Variants in DOCK4 observed in about 807,000 individuals in gnomAD.
The protein encoded by DOCK4 is dedicator of cytokinesis protein 4.
A neutral mutation model predicts 268.1 loss-of-function variants in DOCK4; 97 were observed. The ratio of observed to expected loss-of-function variants is 0.36; its 90% CI spans 0.31 to 0.43. The LOEUF is 0.43. DOCK4 is among the 20% of genes least tolerant of loss of function. The pLI is 1.00. For synonymous variants in DOCK4, 954 were observed against 887.2 expected (o/e 1.08, Z -1.34); for missense variants, 2,145 against 2,455.7 (o/e 0.87, Z 2.67).
chr7:111,765,302 T>A (rs1466115422), intron 38 of DOCK4, 80 bp from the exon 39 acceptor site: 2 of 850,510 alleles, frequency 2.4e-6, no homozygotes, highest in African/African-American at 3.6e-5. Context: ...ATTTCTTTTT[T>A]ACATAAAGGA....
At chr7:111,742,460 C>A (rs1019003531) in intron 44 of DOCK4, among the ~76,000 whole-genome samples, 4 of 152,102 alleles carry the variant, frequency 2.6e-5, no homozygotes, top group Non-Finnish European at 4.4e-5. Flanking sequence ...CCTTCCTTCT[C>A]TCCCCAGGGT....
intron 1 of DOCK4, among the ~76,000 whole-genome samples, chr7:112,169,271 T>C (rs979951092): frequency 3.3e-5 from 5 of 152,190 alleles, no homozygotes; most frequent in African/African-American, 7.2e-5. Flanking sequence ...TGTGAGTCCA[T>C]TAAACCTCTT....
chr7:111,964,430 C>A (rs565702795), intron 8 of DOCK4, among the ~76,000 whole-genome samples: 3 of 90,710 alleles, frequency 3.3e-5, no homozygotes, highest in Admixed American at 2.2e-4. Context: ...GGAGCCGATG[C>A]GATCAACTGG....
intron 30 of DOCK4, among the ~76,000 whole-genome samples, chr7:111,791,070 T>TTACATATATATATATATATATATA (rs1799494580): frequency 1.0e-5 from 1 of 95,484 alleles, no homozygotes; most frequent in African/African-American, 6.1e-5. Context: ...AAAAAAAAAA[T>TTACATATATATATATATATATATA]TATATATATA....
intron 1 of DOCK4, among the ~76,000 whole-genome samples, chr7:112,067,235 C>A: frequency 6.9e-6 from 1 of 144,260 alleles, no homozygotes; most frequent in Middle Eastern, 3.5e-3. Context: ...AAAAAAACAC[C>A]TTTACTTAAA....
chr7:111,871,545 T>C (rs1433564794), intron 20 of DOCK4, among the ~76,000 whole-genome samples: 1 of 152,218 alleles, frequency 6.6e-6, no homozygotes, highest in East Asian at 1.9e-4. Context: ...GGCAAGCAGC[T>C]GGCACTCAGT....
intron 27 of DOCK4, among the ~76,000 whole-genome samples, chr7:111,818,703 A>G (rs530257285): frequency 6.6e-5 from 10 of 151,950 alleles, no homozygotes; most frequent in Non-Finnish European, 1.3e-4. Context: ...TCCTCCACCA[A>G]CCTCATCTTT....
At position 111,908,461 on chromosome 7, in the gene DOCK4, A is replaced by AAATAATAATAATAATAATAATAAT. The variant is rs3055494; in HGVS notation, c.1193-6661_1193-6660insATTATTATTATTATTATTATTATT. Among the ~76,000 whole-genome samples the AAATAATAATAATAATAATAATAAT allele has an allele frequency of 6.5e-3, 975 of 150,208 alleles. 3 individuals are homozygous for AAATAATAATAATAATAATAATAAT. The highest frequency in any genetic ancestry group is 0.016 in the African/African-American group (633 of 40,742). On this transcript the variant is annotated intron_variant, in intron 13 of 52. Transcript: ENST00000428084. Reference sequence around the variant, plus strand: ...AGACTCCGTCTCAAAAAAATAAATAAAATAATAATAATAATAATAATGAAA... The same window carrying AAATAATAATAATAATAATAATAAT: ...AGACTCCGTCTCAAAAAAATAAATAAAATAATAATAATAATAATAATAATAATAATAATAATAATAATAATGAAA...
At chr7:112,193,806 AC>A (rs1447982764) in intron 1 of DOCK4, among the ~76,000 whole-genome samples, 2 of 151,760 alleles carry the variant, frequency 1.3e-5, no homozygotes, top group Non-Finnish European at 2.9e-5. Flanking sequence ...CATATAAAGT[AC>A]CACAGGCTCG....
intron 1 of DOCK4, among the ~76,000 whole-genome samples, chr7:112,060,094 G>A (rs1806262068): frequency 6.6e-6 from 1 of 152,214 alleles, no homozygotes. Flanking sequence ...ACTTAGGGCT[G>A]CCAGCTCCTA....
chr7:111,791,304 C>CACACACACACACACAT (rs1004475799), intron 30 of DOCK4, among the ~76,000 whole-genome samples: 1 of 149,116 alleles, frequency 6.7e-6, no homozygotes, highest in African/African-American at 2.5e-5. Context: ...CACACACACA[C>CACACACACACACACAT]ATATATCTTA....
At chr7:111,900,296 C>A in intron 15 of DOCK4, 78 bp downstream of exon 15, 1 of 1,483,594 alleles carries the variant, frequency 6.7e-7, no homozygotes, top group Non-Finnish European at 9.1e-7. Flanking sequence ...TAAGATCAAC[C>A]CACATCTTCA....
chr7:111,984,152 C>A lies in DOCK4; in HGVS notation c.549+154G>T, dbSNP rs1161298389. Among the ~76,000 whole-genome samples, 5 of 152,238 alleles carry A rather than the reference C, an allele frequency of 3.3e-5. No individual in the cohort carries two copies. The South Asian group carries it at 8.3e-4, about 25-fold the overall frequency. On this transcript the variant is annotated intron_variant, in intron 7 of 52. Coordinates refer to ENST00000428084, the MANE Select transcript of DOCK4 (RefSeq NM_001363540.2). ...AGACAGGTAGTGTCTCAGTACTGTA[C>A]TGAGGGCATGGTCACCTCAGCTCTC...
intron 30 of DOCK4, among the ~76,000 whole-genome samples, chr7:111,803,677 C>A (rs1237836539): frequency 6.6e-6 from 1 of 152,132 alleles, no homozygotes; most frequent in African/African-American, 2.4e-5. Context: ...TAAAGACTAA[C>A]CTTTTTCTCT....
At chr7:112,197,754 G>A (rs1022534347) in intron 1 of DOCK4, among the ~76,000 whole-genome samples, 1 of 152,176 alleles carries the variant, frequency 6.6e-6, no homozygotes, top group South Asian at 2.1e-4. Context: ...AGCAATTAGC[G>A]AAGTCTCATT....
intron 1 of DOCK4, among the ~76,000 whole-genome samples, chr7:112,134,592 G>T (rs547671756): frequency 1.3e-5 from 2 of 152,148 alleles, no homozygotes; most frequent in East Asian, 3.9e-4. Context: ...GTGGTGACAG[G>T]CAAGTCCCAG....
intron 26 of DOCK4, among the ~76,000 whole-genome samples, chr7:111,822,880 T>C (rs1428017775): frequency 6.6e-6 from 1 of 152,232 alleles, no homozygotes; most frequent in African/African-American, 2.4e-5. Context: ...TGTCAAATTT[T>C]AGAAAGTTAT....
At chr7:111,734,608 T>A (rs1367202886) in intron 51 of DOCK4, among the ~76,000 whole-genome samples, 1 of 152,238 alleles carries the variant, frequency 6.6e-6, no homozygotes, top group Non-Finnish European at 1.5e-5. Flanking sequence ...ACAAAGTTAA[T>A]GACTCTGATA....
chr7:112,175,066 T>C (rs979850226), intron 1 of DOCK4, among the ~76,000 whole-genome samples: 2 of 151,768 alleles, frequency 1.3e-5, no homozygotes, highest in East Asian at 1.9e-4. Flanking sequence ...GGTTTCACCG[T>C]GTTAGCCAGG....
Sources: gnomAD v4.1 joint callset for allele counts (sites outside exome capture counted in the v4.1 genomes callset) on GRCh38, gnomAD v4.1.1 for gene constraint, MANE v1.5 for transcripts, NCBI Gene and HGNC (gene_info 2026-07-23, HGNC 2026-07-21) for gene names.